The following THOC1 variants were observed in gnomAD, a reference collection of about 807,000 sequenced individuals.
THOC1 encodes the protein THO complex 1.
A neutral mutation model predicts 97.3 loss-of-function variants in THOC1; 29 were observed. The ratio of observed to expected loss-of-function variants is 0.30; its 90% CI spans 0.22 to 0.41. The LOEUF (loss-of-function observed/expected upper bound fraction) is 0.41, where lower values mean the gene tolerates loss of function less well. Ranked by LOEUF, THOC1 falls within the 10% of genes least tolerant of loss-of-function variation. The probability of loss-of-function intolerance (pLI) is 1.00; values close to 1 mark genes in which losing one functional copy is unlikely to be tolerated. For missense variants in THOC1, 529 were observed against 761.9 expected, an observed-to-expected ratio of 0.69 and a Z score of 3.60; for synonymous variants, 255 against 257.0, an observed-to-expected ratio of 0.99 and a Z score of 0.07.
chr18:232,900 A>G (rs1355392952), intron 11 of THOC1, among the ~76,000 whole-genome samples: 1 of 152,006 alleles, frequency 6.6e-6, no homozygotes, highest in East Asian at 1.9e-4. Flanking sequence ...TCATCTTTTC[A>G]GTTTTCCATT....
chr18:229,194 T>G (rs1911397715), intron 11 of THOC1, among the ~76,000 whole-genome samples: 1 of 152,202 alleles, frequency 6.6e-6, no homozygotes, highest in African/African-American at 2.4e-5. Context: ...CTAACTGCCC[T>G]GGTTTCTGTA....
In THOC1 at chr18:247,000, T is replaced by C. The variant is rs1469765118; in HGVS notation, c.787-545A>G. Among the ~76,000 whole-genome samples the C allele has an allele frequency of 6.0e-5, 9 of 150,640 alleles. No homozygotes were observed. The East Asian group carries it at 1.7e-3, about 29-fold the overall frequency. ...ATAGATTAGGGAACATTTTTAAGAG[T>C]GTACAGAAATTTACCAGTGAAATTG... On this transcript the variant is annotated intron_variant, in intron 10 of 20. Coordinates refer to ENST00000261600, the MANE Select transcript of THOC1 (RefSeq NM_005131.3).
intron 11 of THOC1, among the ~76,000 whole-genome samples, chr18:232,297 T>G (rs905525947): frequency 1.3e-5 from 2 of 152,058 alleles, no homozygotes; most frequent in Non-Finnish European, 2.9e-5. Flanking sequence ...GGGGTATCAC[T>G]TTGTTGCTCA....
At chr18:262,436 T>C (rs913157525) in intron 4 of THOC1, among the ~76,000 whole-genome samples, 2 of 152,148 alleles carry the variant, frequency 1.3e-5, no homozygotes, top group African/African-American at 4.8e-5. Context: ...AAAAGAAAAA[T>C]TATCCCTAAA....
chr18:264,265 T>C (rs1242548436), intron 3 of THOC1, among the ~76,000 whole-genome samples, 173 bp from the exon 4 acceptor site: 1 of 152,222 alleles, frequency 6.6e-6, no homozygotes, highest in Non-Finnish European at 1.5e-5. Context: ...AACAGTAACA[T>C]ATAGAATCAA....
At chr18:237,853 A>C (rs192449228) in intron 11 of THOC1, among the ~76,000 whole-genome samples, 3 of 152,138 alleles carry the variant, frequency 2.0e-5, no homozygotes, top group African/African-American at 7.2e-5. Flanking sequence ...CTAAATTATA[A>C]ATTTAAATAG....
chr18:239,991 A>T (rs199593129), intron 11 of THOC1, among the ~76,000 whole-genome samples: 2 of 21,358 alleles, frequency 9.4e-5, no homozygotes, highest in African/African-American at 3.4e-4. Flanking sequence ...TTAACATTTA[A>T]AATATGACTT....
At position 260,227 on chromosome 18, in the gene THOC1, T is replaced by A; in HGVS notation, c.334A>T (p.Ile112Leu). 2.5e-6 allele frequency: 4 copies of A among 1,584,916 alleles called. No individual in the cohort carries two copies. The highest frequency in any genetic ancestry group is 3.4e-6 in the Non-Finnish European group (4 of 1,167,402). ...ACATTTTTTTCCACAAAAGTGAATA[T>A]TGTGTCACACTGATCCAAAGGAAGA... The part of the protein sequence containing the change: ...DCLPLDQCDT[I>L]FTFVEKNVAT... Residue 112 changes from isoleucine to leucine, a missense_variant, in exon 5 of 21, where the codon ATA becomes TTA. Around this residue, in one of 8 missense-constraint regions of THOC1, gnomAD observed 49 missense variants for 91.7 expected, o/e 0.53. Transcript: ENST00000261600.
intron 12 of THOC1, 63 bp from the exon 13 acceptor site, chr18:225,466 T>G: frequency 7.2e-7 from 1 of 1,382,148 alleles, no homozygotes; most frequent in Middle Eastern, 2.2e-4. Flanking sequence ...CTTTAAGGTT[T>G]AAAAAACACA....
intron 17 of THOC1, among the ~76,000 whole-genome samples, chr18:221,606 C>CTTT (rs369952039): frequency 1.4e-3 from 159 of 110,912 alleles, no homozygotes; most frequent in Non-Finnish European, 1.8e-3. Flanking sequence ...ATAGATGGAT[C>CTTT]TTTTTTTTTT....
intron 4 of THOC1, among the ~76,000 whole-genome samples, chr18:262,397 T>C (rs1912631857): frequency 6.6e-6 from 1 of 152,214 alleles, no homozygotes; most frequent in African/African-American, 2.4e-5. Flanking sequence ...TTTAAAAACA[T>C]GTCACATAAC....
intron 11 of THOC1, among the ~76,000 whole-genome samples, chr18:243,866 C>A (rs1316476629): frequency 1.3e-5 from 2 of 152,074 alleles, no homozygotes; most frequent in South Asian, 2.1e-4. Flanking sequence ...TTTTAAAAAT[C>A]CAATCTGATA....
At chr18:260,839 T>C (rs1912583388) in intron 4 of THOC1, 1 of 152,162 alleles carries the variant, frequency 6.6e-6, no homozygotes, top group Non-Finnish European at 1.5e-5. Flanking sequence ...GCTTATGATA[T>C]AATGCTAAGT....
chr18:255,851 T>C (rs1912420568), intron 7 of THOC1, among the ~76,000 whole-genome samples: 1 of 152,184 alleles, frequency 6.6e-6, no homozygotes, highest in African/African-American at 2.4e-5. Context: ...CATTTACCAT[T>C]CTGAAAATCC....
intron 11 of THOC1, chr18:244,532 T>G (rs564074825): frequency 6.6e-6 from 1 of 152,334 alleles, no homozygotes; most frequent in East Asian, 1.9e-4. Flanking sequence ...TACTGTCTTC[T>G]GGTATTAATG....
Position 246,937 on chromosome 18 carries a change from C to T in THOC1, c.787-482G>A, listed in dbSNP as rs547937488. Among the ~76,000 whole-genome samples the T allele has an allele frequency of 2.2e-4, 28 of 127,508 alleles. 1 individual carries two copies. Among genetic ancestry groups the T allele is most frequent in the East Asian group, 2.1e-3 (9 of 4,312 alleles). The allele number at this position is 127,508 out of a possible 152,430, so 83.7% of individuals were successfully genotyped here. ...GTCTCAAAAAAAAAAAAAAAAAAAA[C>T]GAAGAAATATGATTTAAGAAGTCTG... On this transcript the variant is annotated intron_variant, in intron 10 of 20. Coordinates refer to ENST00000261600, the MANE Select transcript of THOC1 (RefSeq NM_005131.3).
At chr18:252,166 G>T (rs1912299101) in intron 9 of THOC1, among the ~76,000 whole-genome samples, 1 of 152,178 alleles carries the variant, frequency 6.6e-6, no homozygotes. Flanking sequence ...GGGGAGAGAA[G>T]GAGGAAAGGC....
intron 9 of THOC1, among the ~76,000 whole-genome samples, chr18:251,590 G>A (rs898956602): frequency 6.6e-6 from 1 of 152,150 alleles, no homozygotes; most frequent in South Asian, 2.1e-4. Context: ...TTCCTGGCTG[G>A]GGCCACGGTC....
In THOC1 at chr18:254,817, A is replaced by AT. The variant is rs778235053; in HGVS notation, c.521-463dup. 0.014 allele frequency among the ~76,000 whole-genome samples: 1,893 copies of AT among 140,198 alleles called. 24 individuals are homozygous for AT. Among genetic ancestry groups the AT allele is most frequent in the African/African-American group, 0.025 (940 of 38,188 alleles). 92.0% of individuals were successfully genotyped at this position (140,198 alleles called of 152,430 possible). A position where few individuals can be genotyped will look rare whatever the true frequency, so the allele number is the denominator to read the frequency against. The stretch of plus-strand genomic sequence containing the variant: ...CATCTAAGATCTAAGACAGTAAACT[A>AT]TTTTTTTTTTTTTTTGAGACAGCGA... On this transcript the variant is annotated intron_variant, in intron 7 of 20. Coordinates refer to ENST00000261600, the MANE Select transcript of THOC1 (RefSeq NM_005131.3). This position sits in a 1 kb window ranked among gnomAD's most constrained non-coding sequence, Gnocchi z 4.1.
Sources: allele counts gnomAD v4.1 joint callset (sites outside exome capture counted in the v4.1 genomes callset), GRCh38; gene constraint gnomAD v4.1.1; regional missense constraint gnomAD v4.1.1; non-coding constraint Gnocchi (gnomAD v3.1); transcripts MANE v1.5; gene names NCBI Gene and HGNC (gene_info 2026-07-23, HGNC 2026-07-21).